ABL2: variants seen among roughly 807,000 people sequenced by gnomAD.
ABL2 encodes ABL proto-oncogene 2, non-receptor tyrosine kinase.
In ABL2, 49 loss-of-function variants were observed where a neutral mutation model predicts 107.7. The observed-to-expected ratio is 0.45, with a 90% CI of 0.36 to 0.58. The LOEUF is 0.58. Ranked by LOEUF, ABL2 falls within the 20% of genes least tolerant of loss-of-function variation. The pLI, the probability that ABL2 is intolerant of heterozygous loss-of-function variation, is 0.00. For missense variants in ABL2, 1,245 were observed against 1,457.0 expected (o/e 0.85, Z 2.37); for synonymous variants, 549 against 548.6 (o/e 1.00, Z -0.01).
At chr1:179,202,578 C>T (rs2793807) in intron 1 of ABL2, among the ~76,000 whole-genome samples, 32,750 of 152,102 alleles carry the variant, frequency 0.22, 4,461 homozygotes, top group East Asian at 0.35. Flanking sequence ...TTTGGTTACA[C>T]CAGCAAATTA....
Position 179,155,338 on chromosome 1 carries a change from A to G in ABL2, c.158-21964T>C, listed in dbSNP as rs75697310. 8.3e-3 allele frequency among the ~76,000 whole-genome samples: 1,269 copies of G among 152,340 alleles called. 15 individuals carry two copies. Among genetic ancestry groups the G allele is most frequent in the African/African-American group, 0.029 (1,211 of 41,570 alleles). ...GCTTACCAAACAATCCATTTCATCAAAGGAAACTGGAAATGTCTGCCATTT... is the reference window on the plus strand; with the variant it reads ...GCTTACCAAACAATCCATTTCATCAGAGGAAACTGGAAATGTCTGCCATTT... On this transcript the variant is annotated intron_variant, in intron 1 of 11. Coordinates refer to ENST00000502732, the MANE Select transcript of ABL2 (RefSeq NM_007314.4).
intron 1 of ABL2, among the ~76,000 whole-genome samples, chr1:179,193,176 A>G (rs749812513): frequency 2.6e-5 from 4 of 152,204 alleles, no homozygotes; most frequent in Non-Finnish European, 5.9e-5. Flanking sequence ...ATTTTCATGT[A>G]TCAAGAAAAA....
intron 2 of ABL2, among the ~76,000 whole-genome samples, chr1:179,132,525 G>T (rs1409953633): frequency 2.6e-5 from 4 of 151,378 alleles, no homozygotes; most frequent in Non-Finnish European, 2.9e-5. Flanking sequence ...TGATTATTAT[G>T]ATTATTATTA....
At position 179,193,926 on chromosome 1, in the gene ABL2, T is replaced by C. The variant is rs532410395; in HGVS notation, c.157+35315A>G. 5.9e-5 allele frequency among the ~76,000 whole-genome samples: 9 copies of C among 152,130 alleles called. No homozygotes were observed. The South Asian group carries it at 1.9e-3, about 32-fold the overall frequency. ...ATTTTTTGTATTTTTTTAGTAGAGA[T>C]AGGGTTTCACCTTGTTAGCCAGGAT... On this transcript the variant is annotated intron_variant, in intron 1 of 11. Coordinates refer to ENST00000502732, the MANE Select transcript of ABL2 (RefSeq NM_007314.4).
At chr1:179,127,808 G>A (rs1369412007) in intron 3 of ABL2, among the ~76,000 whole-genome samples, 3 of 151,972 alleles carry the variant, frequency 2.0e-5, no homozygotes, top group Admixed American at 6.6e-5. Context: ...GAGAGGGGCG[G>A]ATCACCTAAG....
In ABL2 at chr1:179,117,199, T is replaced by C. The variant is rs1252982364; in HGVS notation, c.1408+133A>G. The C allele has an allele frequency of 3.2e-6, 3 of 945,230 alleles. No homozygotes were observed. In the East Asian group the frequency reaches 7.7e-5, roughly 24 times the overall value. 58.6% of individuals were successfully genotyped at this position (945,230 alleles called of 1,614,324 possible). A position where few individuals can be genotyped will look rare whatever the true frequency, so the allele number is the denominator to read the frequency against. Reference sequence around the variant, plus strand: ...CAGATAGGAGGTATTTAACAAATGCTTGCTGAATAACTGAAGAAGAATGGC... The same window carrying C: ...CAGATAGGAGGTATTTAACAAATGCCTGCTGAATAACTGAAGAAGAATGGC... On this transcript the variant is annotated intron_variant, in intron 8 of 11. Transcript: ENST00000502732.
At chr1:179,158,679 G>A (rs373619723) in intron 1 of ABL2, among the ~76,000 whole-genome samples, 12 of 152,204 alleles carry the variant, frequency 7.9e-5, no homozygotes, top group African/African-American at 1.7e-4. Flanking sequence ...CATGGGTAGC[G>A]CACACACACA....
At chr1:179,197,350 C>A (rs1400503707) in intron 1 of ABL2, among the ~76,000 whole-genome samples, 2 of 151,676 alleles carry the variant, frequency 1.3e-5, no homozygotes, top group Non-Finnish European at 2.9e-5. Flanking sequence ...ACAATGGCAC[C>A]CAAGGGATAA....
chr1:179,135,242 G>A (rs1013157585), intron 1 of ABL2, among the ~76,000 whole-genome samples: 77 of 151,612 alleles, frequency 5.1e-4, no homozygotes, highest in Non-Finnish European at 9.1e-4. Context: ...TCTGGAAAGT[G>A]AGGAGCATCT....
chr1:179,142,881 TTGA>T, intron 1 of ABL2: 1 of 1,587,862 alleles, frequency 6.3e-7, no homozygotes, highest in South Asian at 1.1e-5. Flanking sequence ...TCATTCACAC[TTGA>T]TTAATGTGGT....
intron 1 of ABL2, among the ~76,000 whole-genome samples, chr1:179,191,955 T>C (rs1661043858): frequency 6.6e-6 from 1 of 152,224 alleles, no homozygotes; most frequent in Admixed American, 6.5e-5. Flanking sequence ...GCATTACAAA[T>C]GGTTTTTCCT....
Position 179,107,579 on chromosome 1 carries a change from A to G in ABL2, c.*139T>C. The G allele has an allele frequency of 1.4e-6, 2 of 1,453,624 alleles. No homozygotes were observed. Among genetic ancestry groups the G allele is most frequent in the Non-Finnish European group, 1.8e-6 (2 of 1,099,918 alleles). 90.0% of individuals were successfully genotyped at this position (1,453,624 alleles called of 1,614,324 possible). ...TTTGAGATGAAACTGTAAACGTGAGAACTCAGGGATCTGAGGTACTTCACA... is the reference window on the plus strand; with the variant it reads ...TTTGAGATGAAACTGTAAACGTGAGGACTCAGGGATCTGAGGTACTTCACA... On this transcript the variant is annotated 3_prime_UTR_variant, in exon 12 of 12. Coordinates refer to ENST00000502732, the MANE Select transcript of ABL2 (RefSeq NM_007314.4).
intron 1 of ABL2, among the ~76,000 whole-genome samples, chr1:179,213,444 C>G (rs1343680465): frequency 1.3e-5 from 2 of 152,064 alleles, no homozygotes; most frequent in African/African-American, 4.8e-5. Flanking sequence ...GATGGGATTA[C>G]AGGCATGAGC....
intron 1 of ABL2, among the ~76,000 whole-genome samples, chr1:179,220,763 G>A (rs1040012082): frequency 3.3e-5 from 5 of 152,168 alleles, no homozygotes; most frequent in African/African-American, 1.2e-4. Context: ...ATGTTCAACT[G>A]GTGAAACTGA....
intron 1 of ABL2, among the ~76,000 whole-genome samples, chr1:179,141,589 A>G (rs1178846237): frequency 6.6e-6 from 1 of 152,218 alleles, no homozygotes; most frequent in Non-Finnish European, 1.5e-5. Context: ...CCAAAGTACT[A>G]AAAGAACCAC....
rs141136526 is a variant in ABL2, at chr1:179,195,956, G to A, written c.157+33285C>T. 1.3e-3 allele frequency among the ~76,000 whole-genome samples: 193 copies of A among 152,332 alleles called. No homozygotes were observed. The Middle Eastern group carries it at 0.017, about 13-fold the overall frequency. ...GAAGAAGAAAAGAGTTCTGGAGATG[G>A]ATGGTGGTCATGTATGGTTATATGG... On this transcript the variant is annotated intron_variant, in intron 1 of 11. Transcript: ENST00000502732.
intron 1 of ABL2, among the ~76,000 whole-genome samples, chr1:179,199,676 T>C (rs1245924220): frequency 1.3e-5 from 2 of 151,800 alleles, no homozygotes; most frequent in East Asian, 3.9e-4. Context: ...CAATCACAGT[T>C]AATACCAGAA....
chr1:179,211,546 T>A (rs1298992094), intron 1 of ABL2, among the ~76,000 whole-genome samples: 2 of 152,024 alleles, frequency 1.3e-5, no homozygotes, highest in African/African-American at 2.4e-5. Context: ...AAAATTTTTA[T>A]AAGTGCAATT....
At position 179,101,937 on chromosome 1, in the gene ABL2, A is replaced by G. The variant is rs1384968849; in HGVS notation, c.*5781T>C. The G allele has an allele frequency of 5.6e-6, 1 of 179,508 alleles. No individual in the cohort carries two copies. Among genetic ancestry groups the G allele is most frequent in the Non-Finnish European group, 1.2e-5 (1 of 84,462 alleles). 11.1% of individuals were successfully genotyped at this position (179,508 alleles called of 1,614,324 possible). On this transcript the variant is annotated 3_prime_UTR_variant, in exon 12 of 12. Transcript: ENST00000502732. ...GTGCTGAACAGAGCAAGTAACAATAACTATTACTACTGGCTTGCTGGAAAA... is the reference window on the plus strand; with the variant it reads ...GTGCTGAACAGAGCAAGTAACAATAGCTATTACTACTGGCTTGCTGGAAAA...
Sources: gnomAD v4.1 joint callset for allele counts (sites outside exome capture counted in the v4.1 genomes callset) on GRCh38, gnomAD v4.1.1 for gene constraint, MANE v1.5 for transcripts, NCBI Gene and HGNC (gene_info 2026-07-23, HGNC 2026-07-21) for gene names.